The following GALNT13 variants were observed in gnomAD, a reference collection of about 807,000 sequenced individuals.
The protein encoded by GALNT13 is UDP-GalNAc:polypeptide N-acetylgalactosaminyltransferase 13.
Under a neutral mutation model 64.2 loss-of-function variants are expected in GALNT13, and 28 were observed. The observed-to-expected ratio is 0.44, with a 90% CI of 0.32 to 0.60. The LOEUF is 0.60. Ranked by LOEUF, GALNT13 falls within the 20% of genes least tolerant of loss-of-function variation. The pLI, the probability that GALNT13 is intolerant of heterozygous loss-of-function variation, is 0.05. For missense variants in GALNT13, 577 were observed against 669.8 expected (o/e 0.86, Z 1.53); for synonymous variants, 214 against 224.6 (o/e 0.95, Z 0.42).
At chr2:153,991,252 A>G (rs1016437258) in intron 3 of GALNT13, among the ~76,000 whole-genome samples, 1 of 152,176 alleles carries the variant, frequency 6.6e-6, no homozygotes, top group Non-Finnish European at 1.5e-5. Flanking sequence ...GCAGGGCTAG[A>G]TTGTGATGGA....
the GALNT13 span, among the ~76,000 whole-genome samples, chr2:153,305,958 A>G: frequency 1.2e-4 from 18 of 152,206 alleles, no homozygotes; most frequent in Non-Finnish European, 2.4e-4. Flanking sequence ...TCTCCCACCC[A>G]GGAGGGCAAA....
At chr2:154,181,645 A>C (rs1166293351) in intron 4 of GALNT13, among the ~76,000 whole-genome samples, 1 of 152,076 alleles carries the variant, frequency 6.6e-6, no homozygotes, top group Non-Finnish European at 1.5e-5. Context: ...TGTTCACAGT[A>C]AATATTTACT....
chr2:153,491,516 A>C, the GALNT13 span, among the ~76,000 whole-genome samples: 1 of 152,098 alleles, frequency 6.6e-6, no homozygotes, highest in Non-Finnish European at 1.5e-5. Context: ...TGAGAACAAG[A>C]ACAGTATGGT....
intron 8 of GALNT13, among the ~76,000 whole-genome samples, chr2:154,293,682 TTC>T (rs1354469507): frequency 3.9e-5 from 6 of 152,108 alleles, no homozygotes; most frequent in African/African-American, 1.4e-4. Context: ...TGTAGAAAAA[TTC>T]TGTTTGCTTA....
chr2:153,475,121 T>A, the GALNT13 span, among the ~76,000 whole-genome samples: 1 of 152,194 alleles, frequency 6.6e-6, no homozygotes, highest in Admixed American at 6.5e-5. Context: ...CAGAAAGTGG[T>A]TGCTCTGTGG....
intron 3 of GALNT13, among the ~76,000 whole-genome samples, chr2:154,009,888 G>A (rs959844131): frequency 1.3e-5 from 2 of 151,918 alleles, no homozygotes; most frequent in African/African-American, 4.8e-5. Flanking sequence ...CTGGTTAGCT[G>A]TATTCCTGTG....
At chr2:153,622,049 G>A in the GALNT13 span, among the ~76,000 whole-genome samples, 1 of 152,102 alleles carries the variant, frequency 6.6e-6, no homozygotes, top group Middle Eastern at 3.4e-3. Flanking sequence ...GCCCCAAACT[G>A]GTAAGTATTT....
chr2:153,862,671 TA>T, the GALNT13 span, among the ~76,000 whole-genome samples: 1 of 152,180 alleles, frequency 6.6e-6, no homozygotes, highest in Middle Eastern at 3.4e-3. Flanking sequence ...CTTACATTTG[TA>T]AAACGCTTTA....
the GALNT13 span, among the ~76,000 whole-genome samples, chr2:153,299,269 A>G: frequency 6.6e-6 from 1 of 152,232 alleles, no homozygotes; most frequent in Non-Finnish European, 1.5e-5. Flanking sequence ...GTTTCAGAGC[A>G]CAGTCATCTT....
chr2:153,229,563 C>G, the GALNT13 span, among the ~76,000 whole-genome samples: 1 of 152,168 alleles, frequency 6.6e-6, no homozygotes, highest in South Asian at 2.1e-4. Context: ...TGGGCCCATA[C>G]AGGATACACT....
the GALNT13 span, among the ~76,000 whole-genome samples, chr2:153,729,707 A>G: frequency 1.3e-5 from 2 of 152,232 alleles, no homozygotes; most frequent in African/African-American, 2.4e-5. Flanking sequence ...TTCTGCTGAC[A>G]TGATCTTATA....
At chr2:153,504,849 T>C in the GALNT13 span, among the ~76,000 whole-genome samples, 1 of 152,212 alleles carries the variant, frequency 6.6e-6, no homozygotes, top group African/African-American at 2.4e-5. Flanking sequence ...TTTTCTTTTC[T>C]TGTTATGTCC....
chr2:153,349,006 A>T, the GALNT13 span, among the ~76,000 whole-genome samples: 1 of 152,182 alleles, frequency 6.6e-6, no homozygotes, highest in Non-Finnish European at 1.5e-5. Flanking sequence ...CATTATCTTA[A>T]AACTACAAGT....
the GALNT13 span, among the ~76,000 whole-genome samples, chr2:153,852,087 A>G: frequency 4.8e-4 from 73 of 152,310 alleles, no homozygotes; most frequent in Middle Eastern, 0.017. Flanking sequence ...TGGAGGCATA[A>G]AACTACGGAA....
chr2:154,401,970 G>A (rs16837215), intron 10 of GALNT13, among the ~76,000 whole-genome samples: 99,254 of 151,894 alleles, frequency 0.65, 32,976 homozygotes, highest in Admixed American at 0.73. Context: ...CAGAAAATAT[G>A]CTTTAAATGC....
chr2:154,193,849 T>C (rs761110020), intron 4 of GALNT13, among the ~76,000 whole-genome samples: 5 of 152,178 alleles, frequency 3.3e-5, no homozygotes, highest in African/African-American at 4.8e-5. Flanking sequence ...TTTCCAAGTC[T>C]GTAAAATGGG....
chr2:153,824,481 GT>G, the GALNT13 span, among the ~76,000 whole-genome samples: 1 of 152,098 alleles, frequency 6.6e-6, no homozygotes, highest in Non-Finnish European at 1.5e-5. Context: ...ATCCACATTT[GT>G]TCAGGGAGTT....
intron 1 of GALNT13, among the ~76,000 whole-genome samples, chr2:153,873,277 G>T (rs558592209): frequency 6.6e-6 from 1 of 152,198 alleles, no homozygotes; most frequent in Admixed American, 6.5e-5. Context: ...GGCGCAAGGG[G>T]TTAGAGTGGA....
the GALNT13 span, among the ~76,000 whole-genome samples, chr2:153,635,441 C>CACATATATATGTCTATATATATAT: frequency 7.7e-6 from 1 of 129,852 alleles, no homozygotes; most frequent in Non-Finnish European, 1.6e-5. Context: ...TATATATATA[C>CACATATATATGTCTATATATATAT]ACACATATAT....
Sources: gnomAD v4.1 joint callset for allele counts (sites outside exome capture counted in the v4.1 genomes callset) on GRCh38, gnomAD v4.1.1 for gene constraint, MANE v1.5 for transcripts, NCBI Gene and HGNC (gene_info 2026-07-23, HGNC 2026-07-21) for gene names.